Variants in SLTM observed in about 807,000 individuals in gnomAD.
The protein encoded by SLTM is SAFB-like transcription modulator.
SLTM carries 43 observed loss-of-function variants against 134.6 expected under a neutral mutation model. The ratio of observed to expected loss-of-function variants is 0.32; its 90% CI spans 0.25 to 0.41. The LOEUF (loss-of-function observed/expected upper bound fraction) is 0.41, where lower values mean the gene tolerates loss of function less well. Among genes scored for constraint, SLTM ranks in the 10% least tolerant of loss-of-function variants. The pLI is 1.00. For missense variants in SLTM, 1,055 were observed against 1,288.8 expected (o/e 0.82, Z 2.78); for synonymous variants, 424 against 432.3 (o/e 0.98, Z 0.24).
At chr15:58,910,743 CTTT>C (rs543560542) in intron 5 of SLTM, among the ~76,000 whole-genome samples, 2 of 116,218 alleles carry the variant, frequency 1.7e-5, no homozygotes, top group Admixed American at 9.2e-5. Flanking sequence ...CTCATAGATT[CTTT>C]TTTTTTTTTT....
Position 58,888,363 on chromosome 15 carries a change from T to C in SLTM, c.2375+22A>G, listed in dbSNP as rs755012834. ...ACTAGCAAGGCTCATAAAATAAATATAACAATTTTCAACATATCTACCTTT... is the reference window on the plus strand; with the variant it reads ...ACTAGCAAGGCTCATAAAATAAATACAACAATTTTCAACATATCTACCTTT... On this transcript the variant is annotated intron_variant, in intron 17 of 20. Coordinates refer to ENST00000380516, the MANE Select transcript of SLTM (RefSeq NM_024755.4). The C allele has an allele frequency of 3.1e-5, 48 of 1,561,394 alleles. 1 individual carries two copies. Among genetic ancestry groups the C allele is most frequent in the Non-Finnish European group, 4.2e-5 (48 of 1,156,146 alleles).
chr15:58,916,263 TC>T (rs2036641892), intron 3 of SLTM, among the ~76,000 whole-genome samples: 2 of 148,920 alleles, frequency 1.3e-5, no homozygotes, highest in East Asian at 4.0e-4. Context: ...ACCCTCCACC[TC>T]CCGAGTTCAA....
rs1234065489 is a variant in SLTM, at chr15:58,903,682, TATA to T, written c.562-2398_562-2396del. ...TGCACATGTACCCTAAAACTTAAAG[TATA>T]ATAATAATAATAATAAAAAGATTAA... On this transcript the variant is annotated intron_variant, in intron 5 of 20. Coordinates refer to ENST00000380516, the MANE Select transcript of SLTM (RefSeq NM_024755.4). Among the ~76,000 whole-genome samples, 519 of 149,344 alleles carry T rather than the reference TATA, an allele frequency of 3.5e-3. 2 individuals carry two copies. Among genetic ancestry groups the T allele is most frequent in the African/African-American group, 0.012 (487 of 40,736 alleles).
chr15:58,912,606 A>G lies in SLTM; in HGVS notation c.518T>C (p.Ile173Thr), dbSNP rs1437827666. The change falls in exon 5 of 21, where the codon ATT becomes ACT. Residue 173 changes from isoleucine (I) to threonine (T), a missense_variant. By Grantham distance (89) the Ile-to-Thr change is moderately conservative (BLOSUM62 -1). Coordinates refer to ENST00000380516, the MANE Select transcript of SLTM (RefSeq NM_024755.4). The stretch of plus-strand genomic sequence containing the variant: ...ATCATCTTCACCTTCTTGAGCTTCA[A>G]TTTCCTAAGTAAAAGGGTATACAAT... The part of the protein sequence containing the change: ...IEKEDIESQE[I>T]EAQEGEDDTF... 23 of 1,605,138 alleles carry G rather than the reference A, an allele frequency of 1.4e-5. No homozygotes were observed. Among genetic ancestry groups the G allele is most frequent in the Non-Finnish European group, 1.7e-5 (20 of 1,174,648 alleles).
intron 5 of SLTM, among the ~76,000 whole-genome samples, chr15:58,910,677 T>C (rs1362743779): frequency 1.3e-5 from 2 of 152,024 alleles, no homozygotes; most frequent in African/African-American, 2.4e-5. Flanking sequence ...CGACTTCCCC[T>C]TTTTGCAAAT....
chr15:58,883,064 C>T (rs1265190593), intron 20 of SLTM, among the ~76,000 whole-genome samples: 2 of 152,224 alleles, frequency 1.3e-5, no homozygotes, highest in Admixed American at 6.5e-5. Flanking sequence ...CCTGTAATCT[C>T]AGCACTTTGG....
intron 8 of SLTM, chr15:58,897,472 T>C: frequency 2.7e-6 from 1 of 375,104 alleles, no homozygotes; most frequent in Non-Finnish European, 4.9e-6. Context: ...AAAAAATCAA[T>C]TACATGTCTC....
At chr15:58,926,104 A>T (rs777159432) in intron 2 of SLTM, among the ~76,000 whole-genome samples, 6 of 152,186 alleles carry the variant, frequency 3.9e-5, no homozygotes, top group Non-Finnish European at 8.8e-5. Context: ...GGCCCCCAAC[A>T]TAACAACCCA....
chr15:58,885,374 G>T (rs1450347329), intron 19 of SLTM, among the ~76,000 whole-genome samples: 3 of 152,052 alleles, frequency 2.0e-5, no homozygotes, highest in African/African-American at 7.2e-5. Context: ...TTCAAGGGAG[G>T]ATACAAGATC....
At chr15:58,912,487 T>G in intron 5 of SLTM, 76 bp downstream of exon 5, 1 of 1,170,760 alleles carries the variant, frequency 8.5e-7, no homozygotes, top group Non-Finnish European at 1.3e-6. Flanking sequence ...TAAAGAATTA[T>G]GAAGTCAAAA....
At chr15:58,892,855 A>G in intron 14 of SLTM, 42 bp downstream of exon 14, 1 of 1,550,964 alleles carries the variant, frequency 6.4e-7, no homozygotes, top group Non-Finnish European at 8.8e-7. Context: ...TTAAATATTT[A>G]CCTATATTTA....
intron 3 of SLTM, among the ~76,000 whole-genome samples, chr15:58,915,640 C>T: frequency 6.6e-6 from 1 of 152,042 alleles, no homozygotes; most frequent in East Asian, 1.9e-4. Context: ...CCTGGGCAAA[C>T]AGTTCCTAAA....
intron 19 of SLTM, among the ~76,000 whole-genome samples, chr15:58,886,322 A>T (rs1206510676): frequency 6.9e-6 from 1 of 143,914 alleles, no homozygotes; most frequent in African/African-American, 2.6e-5. Context: ...GCTGGAGTGC[A>T]GTGGCACCAT....
chr15:58,883,488 G>T, intron 20 of SLTM, 138 bp downstream of exon 20: 1 of 1,082,304 alleles, frequency 9.2e-7, no homozygotes, highest in Non-Finnish European at 1.4e-6. Context: ...TGGAGACTAC[G>T]GGTTGATACA....
chr15:58,881,714 A>T (rs1184978981), intron 20 of SLTM, among the ~76,000 whole-genome samples: 1 of 152,150 alleles, frequency 6.6e-6, no homozygotes, highest in Non-Finnish European at 1.5e-5. Flanking sequence ...GAACACAATA[A>T]TTGGGAAGAT....
In SLTM at chr15:58,933,679, T is replaced by G; in HGVS notation, c.-114A>C. ...CGGCGCCGCGCAGCGCTGCGCACAA[T>G]GAGCCGCTGGCCCCTCCCCCGGTCC... On this transcript the variant is annotated 5_prime_UTR_variant, in exon 1 of 21. Coordinates refer to ENST00000380516, the MANE Select transcript of SLTM (RefSeq NM_024755.4). 7.6e-7 allele frequency: 1 copy of G among 1,307,776 alleles called. No homozygotes were observed. Among genetic ancestry groups the G allele is most frequent in the Non-Finnish European group, 9.7e-7 (1 of 1,029,522 alleles). 81.0% of individuals were successfully genotyped at this position (1,307,776 alleles called of 1,614,324 possible). A position where few individuals can be genotyped will look rare whatever the true frequency, so the allele number is the denominator to read the frequency against.
chr15:58,927,504 C>G lies in SLTM; in HGVS notation c.250+4852G>C, dbSNP rs973220564. Among the ~76,000 whole-genome samples, 12 of 152,336 alleles carry G rather than the reference C, an allele frequency of 7.9e-5. No homozygotes were observed. The East Asian group carries it at 2.3e-3, about 29-fold the overall frequency. ...CAGTCTGGTCTCAAACTCCTGACAT[C>G]AGGTGATCCGCCCACCTCAGCTTCC... On this transcript the variant is annotated intron_variant, in intron 2 of 20. Transcript: ENST00000380516.
At chr15:58,902,513 G>A (rs1412000202) in intron 5 of SLTM, among the ~76,000 whole-genome samples, 1 of 151,300 alleles carries the variant, frequency 6.6e-6, no homozygotes, top group African/African-American at 2.4e-5. Flanking sequence ...AGCCTCCTGA[G>A]TAGCTGGGAC....
At chr15:58,885,808 C>CA (rs1160926595) in intron 19 of SLTM, among the ~76,000 whole-genome samples, 18 of 145,220 alleles carry the variant, frequency 1.2e-4, no homozygotes, top group South Asian at 5.0e-4. Context: ...CAAAACAAAA[C>CA]AAAAAAAACA....
Sources: allele counts gnomAD v4.1 joint callset (sites outside exome capture counted in the v4.1 genomes callset), GRCh38; gene constraint gnomAD v4.1.1; transcripts MANE v1.5; gene names NCBI Gene and HGNC (gene_info 2026-07-23, HGNC 2026-07-21).